The following CHODL variants were observed in gnomAD, a reference collection of about 807,000 sequenced individuals.
CHODL encodes the protein transmembrane protein MT75.
A neutral mutation model predicts 34.5 loss-of-function variants in CHODL; 29 were observed. That is an observed-to-expected ratio of 0.84 (90% CI 0.63 to 1.15). CHODL has a LOEUF of 1.15. Ranked by LOEUF, CHODL falls within the 50% of genes most tolerant of loss-of-function variation. CHODL has a pLI of 0.00. For missense variants in CHODL, 332 were observed against 332.5 expected, an observed-to-expected ratio of 1.00 and a Z score of 0.01; for synonymous variants, 125 against 116.1, an observed-to-expected ratio of 1.08 and a Z score of -0.49.
intron 1 of CHODL, among the ~76,000 whole-genome samples, chr21:17,924,551 T>G (rs1001551703): frequency 2.6e-5 from 4 of 152,184 alleles, no homozygotes; most frequent in Admixed American, 2.6e-4. Flanking sequence ...GAAGCCAGCT[T>G]CATCCTATTT....
At chr21:18,224,069 C>A (rs370021962) in intron 2 of CHODL, among the ~76,000 whole-genome samples, 1 of 152,112 alleles carries the variant, frequency 6.6e-6, no homozygotes, top group Non-Finnish European at 1.5e-5. Context: ...GAGCCCAATA[C>A]GGCTCTTGCT....
chr21:17,920,549 C>G (rs953894491), intron 1 of CHODL, among the ~76,000 whole-genome samples: 1 of 152,190 alleles, frequency 6.6e-6, no homozygotes, highest in Non-Finnish European at 1.5e-5. Flanking sequence ...ATGGGAGTTA[C>G]AATTCAAGAT....
chr21:18,099,430 C>A (rs985401095), intron 2 of CHODL, among the ~76,000 whole-genome samples: 1 of 151,260 alleles, frequency 6.6e-6, no homozygotes, highest in African/African-American at 2.4e-5. Context: ...CAATATAAAT[C>A]TTGTAACTAA....
chr21:18,214,263 A>G (rs1291046230), intron 2 of CHODL, among the ~76,000 whole-genome samples: 1 of 152,082 alleles, frequency 6.6e-6, no homozygotes, highest in Non-Finnish European at 1.5e-5. Flanking sequence ...CTAAAGCTTT[A>G]TCATGTCTGT....
At chr21:18,135,117 A>G (rs113984417) in intron 2 of CHODL, among the ~76,000 whole-genome samples, 31 of 152,328 alleles carry the variant, frequency 2.0e-4, no homozygotes, top group African/African-American at 7.0e-4. Flanking sequence ...GGCACTCTCT[A>G]TCTCTCTTTC....
chr21:18,009,761 G>A (rs1425380440), intron 1 of CHODL, among the ~76,000 whole-genome samples: 1 of 151,004 alleles, frequency 6.6e-6, no homozygotes, highest in Non-Finnish European at 1.5e-5. Context: ...GGTGGTAGGT[G>A]CCTGTAGTCC....
chr21:17,994,973 G>C (rs966604516), intron 1 of CHODL, among the ~76,000 whole-genome samples: 1 of 152,134 alleles, frequency 6.6e-6, no homozygotes, highest in African/African-American at 2.4e-5. Flanking sequence ...CTTTGTTTGT[G>C]GGGCAACCTC....
At chr21:18,104,028 A>G (rs756481279) in intron 2 of CHODL, among the ~76,000 whole-genome samples, 2 of 152,194 alleles carry the variant, frequency 1.3e-5, no homozygotes, top group Non-Finnish European at 2.9e-5. Context: ...CCTCACATAG[A>G]GCCTCGCACA....
intron 1 of CHODL, among the ~76,000 whole-genome samples, chr21:17,930,809 T>C (rs1341961403): frequency 6.6e-6 from 1 of 152,154 alleles, no homozygotes; most frequent in Non-Finnish European, 1.5e-5. Flanking sequence ...GCAGAACCAT[T>C]CCCCCTCTCT....
At chr21:17,998,357 G>A (rs1396371632) in intron 1 of CHODL, among the ~76,000 whole-genome samples, 1 of 152,096 alleles carries the variant, frequency 6.6e-6, no homozygotes, top group African/African-American at 2.4e-5. Context: ...TAGTGTCTGT[G>A]GCTTTTCCAG....
chr21:18,253,461 T>C (rs964470058), intron 1 of CHODL, among the ~76,000 whole-genome samples: 4 of 152,082 alleles, frequency 2.6e-5, no homozygotes, highest in African/African-American at 4.8e-5. Flanking sequence ...GGGAATGTAA[T>C]TAAGATATAT....
At chr21:18,070,733 T>TACC (rs1267590176) in intron 2 of CHODL, among the ~76,000 whole-genome samples, 18 of 152,096 alleles carry the variant, frequency 1.2e-4, no homozygotes, top group Non-Finnish European at 2.4e-4. Context: ...AGAAGTGCGT[T>TACC]ACATACCCCG....
At chr21:17,983,087 G>A (rs1251908143) in intron 1 of CHODL, among the ~76,000 whole-genome samples, 3 of 152,106 alleles carry the variant, frequency 2.0e-5, no homozygotes, top group Non-Finnish European at 2.9e-5. Flanking sequence ...TTTAACATAC[G>A]CATTCCTAGG....
chr21:17,999,184 A>T lies in CHODL; in HGVS notation c.-144-28688A>T, dbSNP rs368967485. ...CAAAATGCCACCAGTCTCTTTGCTA[A>T]AACATAACAAGAATCACCTTTGCTG... is the stretch of plus-strand genomic sequence containing the variant. On this transcript the variant is annotated intron_variant, in intron 1 of 6. Coordinates refer to the CHODL transcript ENST00000400127. 3.9e-5 allele frequency among the ~76,000 whole-genome samples: 6 copies of T among 152,324 alleles called. 1 individual carries two copies. Among genetic ancestry groups the T allele is most frequent in the Admixed American group, 1.3e-4 (2 of 15,304 alleles).
chr21:17,923,665 G>A (rs1451499044), intron 1 of CHODL, among the ~76,000 whole-genome samples: 1 of 152,046 alleles, frequency 6.6e-6, no homozygotes, highest in South Asian at 2.1e-4. Flanking sequence ...GTTTCACCAT[G>A]TTGGTCAGGC....
At chr21:17,990,768 C>T (rs1483975003) in intron 1 of CHODL, among the ~76,000 whole-genome samples, 1 of 151,958 alleles carries the variant, frequency 6.6e-6, no homozygotes, top group Non-Finnish European at 1.5e-5. Context: ...ATAATCAAAT[C>T]AGTAATTAGG....
chr21:18,116,879 G>A (rs1047541680), intron 2 of CHODL, among the ~76,000 whole-genome samples: 3 of 152,176 alleles, frequency 2.0e-5, no homozygotes, highest in African/African-American at 7.2e-5. Context: ...TGGAATCACT[G>A]TGGCCCAGAT....
At chr21:18,248,828 T>C (rs1178263834) in intron 1 of CHODL, among the ~76,000 whole-genome samples, 1 of 117,082 alleles carries the variant, frequency 8.5e-6, no homozygotes, top group Non-Finnish European at 1.6e-5. Flanking sequence ...TATATATGTA[T>C]GTATATTGTA....
intron 2 of CHODL, among the ~76,000 whole-genome samples, chr21:18,215,169 G>C (rs746334867): frequency 6.7e-6 from 1 of 150,366 alleles, no homozygotes; most frequent in East Asian, 1.9e-4. Context: ...AAGGAAGAGA[G>C]AACTCAGGCT....
Sources: gnomAD v4.1 joint callset for allele counts (sites outside exome capture counted in the v4.1 genomes callset) on GRCh38, gnomAD v4.1.1 for gene constraint, MANE v1.5 for transcripts, NCBI Gene and HGNC (gene_info 2026-07-23, HGNC 2026-07-21) for gene names.